CPVL: variants seen among roughly 807,000 people sequenced by gnomAD.
CPVL encodes the protein probable serine carboxypeptidase CPVL.
Under a neutral mutation model 63.7 loss-of-function variants are expected in CPVL, and 51 were observed. That is an observed-to-expected ratio of 0.80 (90% CI 0.64 to 1.01). The LOEUF is 1.01. Among genes scored for constraint, CPVL ranks in the 50% least tolerant of loss-of-function variants. The pLI is 0.00. For synonymous variants in CPVL, 195 were observed against 206.0 expected (o/e 0.95, Z 0.46); for missense variants, 530 against 573.1 (o/e 0.92, Z 0.77).
chr7:29,047,663 A>G (rs1562740207), intron 11 of CPVL, among the ~76,000 whole-genome samples: 1 of 152,200 alleles, frequency 6.6e-6, no homozygotes, highest in African/African-American at 2.4e-5. Flanking sequence ...AGAGACCTAG[A>G]CATCCAAATA....
chr7:29,099,589 G>A (rs987198141), intron 3 of CPVL, among the ~76,000 whole-genome samples: 5 of 152,170 alleles, frequency 3.3e-5, no homozygotes, highest in Admixed American at 6.5e-5. Context: ...GCAGATGCCT[G>A]TAATCCTAGC....
At chr7:29,113,644 A>G (rs1788473572) in intron 2 of CPVL, 1 of 152,202 alleles carries the variant, frequency 6.6e-6, no homozygotes, top group African/African-American at 2.4e-5. Context: ...CACTTTACAG[A>G]TAAGAAAGCT....
upstream of CPVL, among the ~76,000 whole-genome samples, chr7:29,150,724 T>C (rs1793470706): frequency 6.6e-6 from 1 of 152,198 alleles, no homozygotes; most frequent in Non-Finnish European, 1.5e-5. Context: ...TGTCTAGGTC[T>C]CTCCCTGCAC....
At chr7:29,193,439 A>T (rs1167721973) in intron 1 of CPVL, 1 of 152,182 alleles carries the variant, frequency 6.6e-6, no homozygotes, top group Non-Finnish European at 1.5e-5. Flanking sequence ...ACCATGTTTT[A>T]AAAAGTTGAA....
intron 12 of CPVL, chr7:29,011,059 G>C (rs1369109382): frequency 6.6e-6 from 1 of 152,166 alleles, no homozygotes; most frequent in Non-Finnish European, 1.5e-5. Flanking sequence ...AATTGCCAGT[G>C]TAATCAACTA....
At chr7:29,095,511 A>G (rs920863311) in intron 4 of CPVL, among the ~76,000 whole-genome samples, 1 of 152,172 alleles carries the variant, frequency 6.6e-6, no homozygotes, top group Admixed American at 6.5e-5. Flanking sequence ...AACTACTTCA[A>G]CAAAACTGGC....
Position 29,069,432 on chromosome 7 carries a change from C to A in CPVL, c.864+2341G>T, listed in dbSNP as rs1301458110. ...CTCCAGCCTGGGCAAGAGAGCGAGA[C>A]TCCGTCTCAAAAAAAAAAAAAAAAA... On this transcript the variant is annotated intron_variant, in intron 9 of 12. Transcript: ENST00000265394. Among the ~76,000 whole-genome samples the A allele has an allele frequency of 7.1e-5, 7 of 98,514 alleles. No individual in the cohort carries two copies. The Admixed American group carries it at 8.5e-4, about 12-fold the overall frequency. 64.6% of individuals were successfully genotyped at this position (98,514 alleles called of 152,430 possible).
At chr7:29,160,858 T>C (rs1795077627) in intron 5 of CPVL, among the ~76,000 whole-genome samples, 2 of 152,232 alleles carry the variant, frequency 1.3e-5, no homozygotes. Flanking sequence ...TATTAATCAT[T>C]GACACTAGGT....
At chr7:29,190,646 GT>G (rs1409245708) in intron 1 of CPVL, among the ~76,000 whole-genome samples, 2 of 152,180 alleles carry the variant, frequency 1.3e-5, no homozygotes, top group Non-Finnish European at 2.9e-5. Context: ...TTATTCTTAT[GT>G]TTCACCGTTT....
chr7:29,146,559 C>A, upstream of CPVL: 1 of 1,533,774 alleles, frequency 6.5e-7, no homozygotes, highest in Non-Finnish European at 8.8e-7. Flanking sequence ...AGAACTCGAG[C>A]CTTTAAGCGC....
At chr7:29,033,096 G>A (rs1788188579) in intron 11 of CPVL, among the ~76,000 whole-genome samples, 1 of 152,110 alleles carries the variant, frequency 6.6e-6, no homozygotes, top group Non-Finnish European at 1.5e-5. Context: ...CCTTTGCAAA[G>A]CAAGGAAACC....
chr7:29,088,493 TAGCACTC>T (rs1243775844), intron 6 of CPVL, among the ~76,000 whole-genome samples: 4 of 152,138 alleles, frequency 2.6e-5, no homozygotes. Flanking sequence ...AGTAGCGTGG[TAGCACTC>T]CTGTTTCTTA....
At chr7:29,058,120 C>T (rs1165073992) in intron 11 of CPVL, among the ~76,000 whole-genome samples, 4 of 152,140 alleles carry the variant, frequency 2.6e-5, no homozygotes, top group Admixed American at 2.0e-4. Context: ...GAAGAACTGA[C>T]ATCTTGACAA....
chr7:29,147,196 C>T (rs539421274), upstream of CPVL: 8 of 544,470 alleles, frequency 1.5e-5, no homozygotes, highest in Admixed American at 2.8e-4. Flanking sequence ...GGAGCAAGAA[C>T]TAAAAAAGGC....
chr7:29,005,294 C>A (rs1785077751), intron 12 of CPVL, among the ~76,000 whole-genome samples: 1 of 152,034 alleles, frequency 6.6e-6, no homozygotes, highest in Admixed American at 6.5e-5. Context: ...GTTTTTATGA[C>A]AAACAGAGTA....
In CPVL at chr7:29,112,707, A is replaced by T; in HGVS notation, c.285T>A (p.Ala95=). ...NSNLFFWFFP[A]QIQPEDAPVV... ...GTTCTTTCTGTTGGGCACCTACCTG[A>T]GCTGGGAAGAACCAGAAGAAGAGGT... The change falls in exon 3 of 13, where the codon GCT becomes GCA. Residue 95 remains alanine, a synonymous_variant. Transcript: ENST00000265394. 6.2e-7 allele frequency: 1 copy of T among 1,608,802 alleles called. No homozygotes were observed. Among genetic ancestry groups the T allele is most frequent in the Non-Finnish European group, 8.5e-7 (1 of 1,175,712 alleles).
chr7:29,064,452 TAAA>T (rs1414783167), intron 10 of CPVL, among the ~76,000 whole-genome samples: 4 of 152,206 alleles, frequency 2.6e-5, no homozygotes, highest in African/African-American at 9.6e-5. Flanking sequence ...AAAATACTCT[TAAA>T]ATACCCAATT....
intron 3 of CPVL, among the ~76,000 whole-genome samples, chr7:29,104,937 T>G (rs559751483): frequency 1.0e-3 from 154 of 152,170 alleles, no homozygotes; most frequent in Non-Finnish European, 1.5e-3. Flanking sequence ...TACCTATGGG[T>G]GGTGATCTAT....
chr7:29,071,719 C>CCCCCCCCCA, intron 9 of CPVL, 54 bp downstream of exon 9: 1 of 1,068,952 alleles, frequency 9.4e-7, no homozygotes, highest in Non-Finnish European at 1.3e-6. Flanking sequence ...ACCCGCCCTC[C>CCCCCCCCCA]CTCCCCAGAT....
Sources: allele counts gnomAD v4.1 joint callset (sites outside exome capture counted in the v4.1 genomes callset), GRCh38; gene constraint gnomAD v4.1.1; transcripts MANE v1.5; gene names NCBI Gene and HGNC (gene_info 2026-07-23, HGNC 2026-07-21).